GALNTL6: variants seen among roughly 807,000 people sequenced by gnomAD.
The protein encoded by GALNTL6 is polypeptide N-acetylgalactosaminyltransferase-like 6.
A neutral mutation model predicts 73.7 loss-of-function variants in GALNTL6; 46 were observed. That is an observed-to-expected ratio of 0.62 (90% CI 0.49 to 0.80). The LOEUF is 0.80. Among genes scored for constraint, GALNTL6 ranks in the 30% least tolerant of loss-of-function variants. The pLI is 0.00. For missense variants in GALNTL6, 604 were observed against 755.0 expected, an observed-to-expected ratio of 0.80 and a Z score of 2.34; for synonymous variants, 259 against 263.7, an observed-to-expected ratio of 0.98 and a Z score of 0.17.
In GALNTL6 at chr4:173,007,532, C is replaced by T. The variant is rs575925893; in HGVS notation, c.1372-1646C>T. ...AGGAAGATATGATGGAAGGGCCAGG[C>T]GTGGTGGCTCACACCTGTAATCCCA... On this transcript the variant is annotated intron_variant, in intron 10 of 12. Transcript: ENST00000506823. 1.6e-4 allele frequency among the ~76,000 whole-genome samples: 25 copies of T among 152,252 alleles called. No individual in the cohort carries two copies. In the Middle Eastern group the frequency reaches 0.014, roughly 83 times the overall value.
intron 2 of GALNTL6, among the ~76,000 whole-genome samples, chr4:172,015,756 T>C (rs1229903824): frequency 6.6e-6 from 1 of 151,932 alleles, no homozygotes. Context: ...TCCCTCAGCA[T>C]TTGTTTGTCT....
chr4:171,930,561 A>T (rs1327978931), intron 2 of GALNTL6, among the ~76,000 whole-genome samples: 3 of 152,140 alleles, frequency 2.0e-5, no homozygotes, highest in Non-Finnish European at 2.9e-5. Flanking sequence ...AAGGCCAGGC[A>T]TGGTGGCTCA....
chr4:172,428,381 A>G (rs962621980), intron 5 of GALNTL6, among the ~76,000 whole-genome samples: 2 of 152,294 alleles, frequency 1.3e-5, no homozygotes, highest in South Asian at 2.1e-4. Flanking sequence ...ACTGACAACT[A>G]TTTACTTGAA....
intron 2 of GALNTL6, among the ~76,000 whole-genome samples, chr4:171,998,115 AC>A (rs1228829148): frequency 1.3e-5 from 2 of 152,144 alleles, no homozygotes; most frequent in African/African-American, 4.8e-5. Context: ...GGATGACTGA[AC>A]AGAAAACAAA....
At chr4:172,832,792 T>C (rs1204066590) in intron 7 of GALNTL6, among the ~76,000 whole-genome samples, 1 of 152,122 alleles carries the variant, frequency 6.6e-6, no homozygotes, top group Admixed American at 6.5e-5. Context: ...CTCTCGTCTC[T>C]CTCTCCTATC....
intron 2 of GALNTL6, among the ~76,000 whole-genome samples, chr4:171,951,569 T>C (rs920273386): frequency 6.7e-6 from 1 of 149,876 alleles, no homozygotes; most frequent in African/African-American, 2.4e-5. Context: ...AGTAAAACAT[T>C]GTGCACTCAC....
rs1731473676 is a variant in GALNTL6, at chr4:172,069,555, G to GTTATATATAACACATGTGTTATATATA, written c.139-160086_139-160085insGTGTTATATATATTATATATAACACAT. Among the ~76,000 whole-genome samples, 33 of 60,928 alleles carry GTTATATATAACACATGTGTTATATATA rather than the reference G, an allele frequency of 5.4e-4. 12 individuals are homozygous for GTTATATATAACACATGTGTTATATATA. The highest frequency in any genetic ancestry group is 1.8e-3 in the South Asian group (4 of 2,180). 40.0% of individuals were successfully genotyped at this position (60,928 alleles called of 152,430 possible). ...CATATATTATATATAACACATATAT[G>GTTATATATAACACATGTGTTATATATA]TTATATATAACACATATATGTTATA... On this transcript the variant is annotated intron_variant, in intron 2 of 12. Coordinates refer to ENST00000506823, the MANE Select transcript of GALNTL6 (RefSeq NM_001034845.3).
chr4:172,061,070 G>C (rs1731185410), intron 2 of GALNTL6, among the ~76,000 whole-genome samples: 1 of 151,860 alleles, frequency 6.6e-6, no homozygotes. Context: ...ATTAATAACT[G>C]GTAACAGTGA....
chr4:172,723,175 A>T (rs1735586874), intron 5 of GALNTL6, among the ~76,000 whole-genome samples: 1 of 152,148 alleles, frequency 6.6e-6, no homozygotes, highest in Admixed American at 6.6e-5. Flanking sequence ...GGTTGGGACT[A>T]CCCAGATAAT....
At chr4:172,938,902 T>C (rs1748766328) in intron 9 of GALNTL6, among the ~76,000 whole-genome samples, 1 of 152,214 alleles carries the variant, frequency 6.6e-6, no homozygotes, top group African/African-American at 2.4e-5. Flanking sequence ...CCTTACAATA[T>C]AACCTAAAGG....
chr4:172,078,074 G>A (rs538731074), intron 2 of GALNTL6, among the ~76,000 whole-genome samples: 7 of 152,222 alleles, frequency 4.6e-5, no homozygotes, highest in African/African-American at 1.7e-4. Flanking sequence ...CAGAGTTGAG[G>A]TTTGAGAACC....
chr4:171,964,580 C>T (rs1303978127), intron 2 of GALNTL6, among the ~76,000 whole-genome samples: 1 of 152,154 alleles, frequency 6.6e-6, no homozygotes, highest in Non-Finnish European at 1.5e-5. Flanking sequence ...GAACATACCC[C>T]ATTTTCATAT....
At chr4:171,891,007 C>G (rs1736745358) in intron 2 of GALNTL6, among the ~76,000 whole-genome samples, 1 of 149,260 alleles carries the variant, frequency 6.7e-6, no homozygotes, top group African/African-American at 2.5e-5. Context: ...GTCCTTCCAG[C>G]CAGCTACTCT....
rs1479042429 is a variant in GALNTL6, at chr4:172,805,543, C to T, written c.554-3818C>T. On this transcript the variant is annotated intron_variant, in intron 5 of 12. Transcript: ENST00000506823. ...CAGTGGATTTTAACAGTAATTTATT[C>T]ACTGGTTGTCTGGACCATGGACCAA... is the stretch of plus-strand genomic sequence containing the variant. Among the ~76,000 whole-genome samples, 4 of 151,998 alleles carry T rather than the reference C, an allele frequency of 2.6e-5. No homozygotes were observed. In the South Asian group the frequency reaches 6.2e-4, roughly 24 times the overall value.
chr4:172,732,255 T>A (rs1030613055), intron 5 of GALNTL6, among the ~76,000 whole-genome samples: 1 of 152,212 alleles, frequency 6.6e-6, no homozygotes, highest in East Asian at 1.9e-4. Context: ...TTATATCCTC[T>A]TATTGAATTG....
chr4:172,533,012 GA>G (rs1165110456), intron 5 of GALNTL6, among the ~76,000 whole-genome samples: 3 of 127,294 alleles, frequency 2.4e-5, no homozygotes, highest in African/African-American at 8.0e-5. Context: ...CATTTTTGTA[GA>G]ATTTTTTTTT....
rs1342803335 is a variant in GALNTL6 at position 172,952,127 on chromosome 4, G to A, written c.1240G>A (p.Asp414Asn). ...RPEYRHLSTG[D>N]ISAQKELRKQ... ...GGAGTACAGGCATCTCTCCACGGGG[G>A]ACATCTCTGCCCAGAAGGAGCTGCG... The change falls in exon 10 of 13, where the codon GAC becomes AAC. Residue 414 changes from aspartate (D) to asparagine (N), a missense_variant. Physicochemically the swap from Asp to Asn is conservative, Grantham distance 23. Coordinates refer to ENST00000506823, the MANE Select transcript of GALNTL6 (RefSeq NM_001034845.3). 2.5e-6 allele frequency: 4 copies of A among 1,613,976 alleles called. No homozygotes were observed. The highest frequency in any genetic ancestry group is 3.4e-6 in the Non-Finnish European group (4 of 1,179,992).
At chr4:171,884,293 T>G (rs953648429) in intron 2 of GALNTL6, among the ~76,000 whole-genome samples, 1 of 152,152 alleles carries the variant, frequency 6.6e-6, no homozygotes, top group Non-Finnish European at 1.5e-5. Context: ...TCAACATTTT[T>G]TAATAGGAAG....
intron 5 of GALNTL6, among the ~76,000 whole-genome samples, chr4:172,663,902 C>T (rs1290819852): frequency 6.7e-6 from 1 of 148,880 alleles, no homozygotes; most frequent in Non-Finnish European, 1.5e-5. Flanking sequence ...TGCACTCCAG[C>T]CTGGGTGACA....
Sources: gnomAD v4.1 joint callset for allele counts (sites outside exome capture counted in the v4.1 genomes callset) on GRCh38, gnomAD v4.1.1 for gene constraint, MANE v1.5 for transcripts, NCBI Gene and HGNC (gene_info 2026-07-23, HGNC 2026-07-21) for gene names.